The following TUNAR variants were observed in gnomAD, a reference collection of about 807,000 sequenced individuals.
The protein encoded by TUNAR is protein TUNAR.
In TUNAR at chr14:95,920,225, G is replaced by A. The variant is rs531931827; in HGVS notation, c.13-2556G>A. Among the ~76,000 whole-genome samples, 16 of 152,256 alleles carry A rather than the reference G, an allele frequency of 1.1e-4. 1 individual carries two copies. In the South Asian group the frequency reaches 3.3e-3, roughly 32 times the overall value. The stretch of plus-strand genomic sequence containing the variant: ...AAACCAGGCAAAGCTCACCAATGGT[G>A]CTAGAAGCCACAATAATGGTTTTCA... On this transcript the variant is annotated intron_variant, in intron 2 of 2. Transcript: ENST00000678517.
At chr14:95,879,956 G>A (rs899550058) in intron 2 of TUNAR, among the ~76,000 whole-genome samples, 2 of 152,194 alleles carry the variant, frequency 1.3e-5, no homozygotes, top group Non-Finnish European at 2.9e-5. Context: ...TGAGTGCTGT[G>A]GCATTTCTGC....
At position 95,895,470 on chromosome 14, in the gene TUNAR, G is replaced by A. The variant is rs1222732508; in HGVS notation, c.12+18293G>A. 2.0e-5 allele frequency among the ~76,000 whole-genome samples: 3 copies of A among 152,256 alleles called. No individual in the cohort carries two copies. The highest frequency in any genetic ancestry group is 4.4e-5 in the Non-Finnish European group (3 of 68,024). ...GGGTGTGCATGCATAGGAGGAAAGG[G>A]AGCGGAGAGTTGTCAAATGAGGCAA... On this transcript the variant is annotated intron_variant, in intron 2 of 2. Transcript: ENST00000678517. This position sits in a 1 kb window ranked among gnomAD's most constrained non-coding sequence, Gnocchi z 4.5.
chr14:95,911,964 T>C (rs67200913), intron 2 of TUNAR, among the ~76,000 whole-genome samples: 26,642 of 152,192 alleles, frequency 0.18, 2,728 homozygotes, highest in South Asian at 0.28. Context: ...CATACAGCAA[T>C]GGCCCCTTTT....
intron 2 of TUNAR, among the ~76,000 whole-genome samples, chr14:95,901,641 G>C (rs1889355466): frequency 6.6e-6 from 1 of 152,186 alleles, no homozygotes; most frequent in Non-Finnish European, 1.5e-5. Flanking sequence ...CTGGAAAATG[G>C]GCAGATACTC....
chr14:95,885,235 G>A (rs55918224), intron 2 of TUNAR, among the ~76,000 whole-genome samples: 14,797 of 152,190 alleles, frequency 0.097, 932 homozygotes, highest in African/African-American at 0.18. Flanking sequence ...GCATTTTCAC[G>A]CTCAGCATCA....
intron 2 of TUNAR, among the ~76,000 whole-genome samples, chr14:95,901,796 C>T (rs1253066570): frequency 6.6e-6 from 1 of 152,160 alleles, no homozygotes; most frequent in Non-Finnish European, 1.5e-5. Context: ...CTACTTTCTT[C>T]AGTACTTTGA....
intron 2 of TUNAR, among the ~76,000 whole-genome samples, chr14:95,883,259 C>T (rs1416250651): frequency 2.0e-5 from 3 of 152,236 alleles, no homozygotes; most frequent in African/African-American, 7.2e-5. Context: ...TCTTCTACAG[C>T]AGGGCTGGTT....
chr14:95,907,601 A>G (rs1036354593), intron 2 of TUNAR, among the ~76,000 whole-genome samples: 1 of 152,186 alleles, frequency 6.6e-6, no homozygotes, highest in Non-Finnish European at 1.5e-5. Flanking sequence ...GGTGAGCAAG[A>G]TGAAGAGGTG....
At chr14:95,878,718 G>T (rs1273992636) in intron 2 of TUNAR, among the ~76,000 whole-genome samples, 1 of 152,228 alleles carries the variant, frequency 6.6e-6, no homozygotes, top group Non-Finnish European at 1.5e-5. Context: ...AGCTCGAGCT[G>T]TGCTTAATAG....
At chr14:95,909,959 C>G (rs537330035) in intron 2 of TUNAR, among the ~76,000 whole-genome samples, 22 of 152,262 alleles carry the variant, frequency 1.4e-4, no homozygotes, top group Admixed American at 1.4e-3. Flanking sequence ...GGGGTTAGAG[C>G]CCCAGCAGGC....
chr14:95,902,343 T>C (rs1295130150), intron 2 of TUNAR, among the ~76,000 whole-genome samples: 2 of 152,226 alleles, frequency 1.3e-5, no homozygotes, highest in Non-Finnish European at 2.9e-5. Context: ...GCAAACACAG[T>C]TGGAGGGATC....
rs139422433 is a variant in TUNAR at position 95,881,151 on chromosome 14, C to T, written c.12+3974C>T. ...TAAAAAAAGCATGCAGATGATTTGA[C>T]GTAAGTAGCATACGGAGGTGATTTT... On this transcript the variant is annotated intron_variant, in intron 2 of 2. Coordinates refer to ENST00000678517, the Ensembl canonical transcript of TUNAR. Among the ~76,000 whole-genome samples the T allele has an allele frequency of 1.6e-3, 241 of 152,286 alleles. 2 individuals carry two copies. The highest frequency in any genetic ancestry group is 4.6e-3 in the African/African-American group (193 of 41,530).
chr14:95,883,725 C>CCT (rs983128229), intron 2 of TUNAR, among the ~76,000 whole-genome samples: 27 of 152,260 alleles, frequency 1.8e-4, no homozygotes, highest in African/African-American at 5.8e-4. Context: ...CCAAGCCACC[C>CCT]CCCCGCCGCC....
intron 2 of TUNAR, among the ~76,000 whole-genome samples, chr14:95,909,012 G>A (rs1231813960): frequency 6.6e-6 from 1 of 152,182 alleles, no homozygotes; most frequent in African/African-American, 2.4e-5. Context: ...TGCTGTTGAA[G>A]CATCCTTTCC....
chr14:95,902,026 A>G (rs563784126), intron 2 of TUNAR, among the ~76,000 whole-genome samples: 106 of 152,222 alleles, frequency 7.0e-4, no homozygotes, highest in African/African-American at 2.5e-3. Flanking sequence ...AAGATCAAGG[A>G]TGTTCACATC....
At chr14:95,884,139 A>G (rs936413928) in intron 2 of TUNAR, among the ~76,000 whole-genome samples, 3 of 152,102 alleles carry the variant, frequency 2.0e-5, no homozygotes, top group Non-Finnish European at 4.4e-5. Context: ...TCCTCTGTGC[A>G]CTACAGTTTG....
At chr14:95,893,200 G>T (rs1013834964) in intron 2 of TUNAR, among the ~76,000 whole-genome samples, 1 of 152,124 alleles carries the variant, frequency 6.6e-6, no homozygotes, top group Non-Finnish European at 1.5e-5. Context: ...TGGGGACAGG[G>T]ATAGTGGGAG....
chr14:95,902,158 G>A (rs528129967), intron 2 of TUNAR, among the ~76,000 whole-genome samples: 1 of 152,134 alleles, frequency 6.6e-6, no homozygotes, highest in Non-Finnish European at 1.5e-5. Context: ...AGTATCAAGT[G>A]TATTTTTCCA....
chr14:95,911,177 G>A, intron 2 of TUNAR, among the ~76,000 whole-genome samples: 1 of 152,282 alleles, frequency 6.6e-6, no homozygotes, highest in Middle Eastern at 3.4e-3. Context: ...TCTTAGGACA[G>A]CCCCCTCACC....
Sources: gnomAD v4.1 joint callset for allele counts (sites outside exome capture counted in the v4.1 genomes callset) on GRCh38, gnomAD v4.1.1 for gene constraint, Gnocchi (gnomAD v3.1) non-coding constraint, MANE v1.5 for transcripts, NCBI Gene and HGNC (gene_info 2026-07-23, HGNC 2026-07-21) for gene names.